The following SNAPC3 variants were observed in gnomAD, a reference collection of about 807,000 sequenced individuals.
The protein encoded by SNAPC3 is snRNA-activating protein complex subunit 3.
In SNAPC3, 56 loss-of-function variants were observed where a neutral mutation model predicts 47.7. The ratio of observed to expected loss-of-function variants is 1.18; its 90% CI spans 0.95 to 1.47. The LOEUF is 1.47. Ranked by LOEUF, SNAPC3 falls within the 40% of genes most tolerant of loss-of-function variation. SNAPC3 has a pLI of 0.00. For synonymous variants in SNAPC3, 235 were observed against 189.9 expected (o/e 1.24, Z -1.95); for missense variants, 665 against 511.3 (o/e 1.30, Z -2.90).
Position 15,459,744 on chromosome 9 carries a change from G to C in SNAPC3, c.1114G>C (p.Ala372Pro), listed in dbSNP as rs577027432. The C allele has an allele frequency of 3.7e-6, 6 of 1,613,082 alleles. No individual in the cohort carries two copies. In the African/African-American group the frequency reaches 8.0e-5, roughly 22 times the overall value. Residue 372 changes from alanine to proline, a missense_variant, in exon 9 of 9, where the codon GCA becomes CCA. Ala to Pro is a conservative substitution (Grantham distance 27). Transcript: ENST00000380821. ...ARWVTNNDSF[A>P]PEDPCFFCDV... ...ATGGGTGACGAACAATGACAGTTTT[G>C]CACCAGAGGACCCATGCTTCTTTTG... is the stretch of plus-strand genomic sequence containing the variant.
rs138836322 is a variant in SNAPC3 at position 15,460,113 on chromosome 9, TGTA to T, written c.*251_*253del. 2.2e-3 allele frequency: 647 copies of T among 299,968 alleles called. 2 individuals are homozygous for T. The highest frequency in any genetic ancestry group is 0.011 in the African/African-American group (533 of 46,468). 18.6% of individuals were successfully genotyped at this position (299,968 alleles called of 1,614,324 possible). A position where few individuals can be genotyped will look rare whatever the true frequency, so the allele number is the denominator to read the frequency against. On this transcript the variant is annotated 3_prime_UTR_variant, in exon 9 of 9. Coordinates refer to ENST00000380821, the MANE Select transcript of SNAPC3 (RefSeq NM_001039697.2). ...GCTTTTTACCCATTTTGAGTTGAGT[TGTA>T]GTACTTTATATATTCTGACTTTAAA...
chr9:15,424,073 G>A, intron 2 of SNAPC3, 87 bp downstream of exon 2: 3 of 703,562 alleles, frequency 4.3e-6, no homozygotes. Flanking sequence ...AGTATTGATT[G>A]TTGTCTGTAT....
At chr9:15,454,612 A>G (rs1178621122) in intron 7 of SNAPC3, among the ~76,000 whole-genome samples, 1 of 152,206 alleles carries the variant, frequency 6.6e-6, no homozygotes, top group Non-Finnish European at 1.5e-5. Context: ...GTCAGAAAAT[A>G]GGGGACTGAA....
At chr9:15,438,156 T>A (rs2033002182) in intron 3 of SNAPC3, among the ~76,000 whole-genome samples, 1 of 152,220 alleles carries the variant, frequency 6.6e-6, no homozygotes, top group African/African-American at 2.4e-5. Flanking sequence ...TCAACCTCCT[T>A]ACTTGTTACA....
intron 7 of SNAPC3, among the ~76,000 whole-genome samples, chr9:15,456,229 C>T (rs563289291): frequency 3.3e-5 from 5 of 151,972 alleles, no homozygotes; most frequent in African/African-American, 7.2e-5. Context: ...AGGCTGGTGT[C>T]GAACTCCTGA....
intron 3 of SNAPC3, among the ~76,000 whole-genome samples, chr9:15,442,297 C>T (rs1397886677): frequency 1.4e-5 from 2 of 148,006 alleles, no homozygotes; most frequent in East Asian, 2.1e-4. Flanking sequence ...GCGGGGGCTG[C>T]CCCCCACCTC....
intron 3 of SNAPC3, among the ~76,000 whole-genome samples, chr9:15,435,698 C>T (rs1476835923): frequency 6.7e-6 from 1 of 150,218 alleles, no homozygotes; most frequent in Non-Finnish European, 1.5e-5. Flanking sequence ...CATTGCATTC[C>T]AGCCTGGGCA....
downstream of SNAPC3, chr9:15,464,826 TCACTGAATGCC>T: frequency 4.8e-6 from 1 of 208,584 alleles, no homozygotes; most frequent in Middle Eastern, 1.5e-3. Flanking sequence ...TCCTAAGACT[TCACTGAATGCC>T]CAGCCACAAA....
At chr9:15,433,694 G>A (rs915370371) in intron 3 of SNAPC3, 58 bp downstream of exon 3, 6 of 1,078,358 alleles carry the variant, frequency 5.6e-6, no homozygotes, top group South Asian at 1.3e-5. Flanking sequence ...ACCGACATTG[G>A]CTGAGGGTTA....
Position 15,459,735 on chromosome 9 carries a change from G to T in SNAPC3, c.1105G>T (p.Asp369Tyr). 6.2e-7 allele frequency: 1 copy of T among 1,613,086 alleles called. No homozygotes were observed. Among genetic ancestry groups the T allele is most frequent in the Non-Finnish European group, 8.5e-7 (1 of 1,179,564 alleles). ...AAACTACAGATGGGTGACGAACAATGACAGTTTTGCACCAGAGGACCCATG... is the reference window on the plus strand; with the variant it reads ...AAACTACAGATGGGTGACGAACAATTACAGTTTTGCACCAGAGGACCCATG... ...MYTARWVTNN[D>Y]SFAPEDPCFF... The change falls in exon 9 of 9, where the codon GAC becomes TAC. Residue 369 changes from aspartate to tyrosine, a missense_variant. Physicochemically the swap from Asp to Tyr is radical, Grantham distance 160. Coordinates refer to ENST00000380821, the MANE Select transcript of SNAPC3 (RefSeq NM_001039697.2).
intron 5 of SNAPC3, among the ~76,000 whole-genome samples, chr9:15,448,620 T>C (rs543829316): frequency 6.6e-6 from 1 of 152,306 alleles, no homozygotes; most frequent in South Asian, 2.1e-4. Flanking sequence ...TATTCGTTTT[T>C]GGTGACTAGT....
In SNAPC3 at chr9:15,422,916, G is replaced by C; in HGVS notation, c.37G>C (p.Gly13Arg). ...AAGCCGAGGTGGCCCTACGTGTAGC[G>C]GGGTGGGTGGCAGGCAGGACCCAGT... is the stretch of plus-strand genomic sequence containing the variant. ...EGSRGGPTCS[G>R]VGGRQDPVSG... The change falls in exon 1 of 9, where the codon GGG becomes CGG. Residue 13 changes from glycine (G) to arginine (R), a missense_variant. Transcript: ENST00000380821. 1 of 1,536,372 alleles carries C rather than the reference G, an allele frequency of 6.5e-7. No individual in the cohort carries two copies. The highest frequency in any genetic ancestry group is 2.2e-5 in the Admixed American group (1 of 45,686).
chr9:15,428,111 C>CAAAAAAAA, intron 2 of SNAPC3, among the ~76,000 whole-genome samples: 1 of 73,018 alleles, frequency 1.4e-5, no homozygotes, highest in Non-Finnish European at 2.6e-5. Flanking sequence ...ACTCTGTCTC[C>CAAAAAAAA]AAAAAAAAAA....
chr9:15,444,613 C>T lies in SNAPC3; in HGVS notation c.489C>T (p.Ala163=), dbSNP rs1351126388. 1.3e-5 allele frequency: 21 copies of T among 1,607,070 alleles called. No individual in the cohort carries two copies. Among genetic ancestry groups the T allele is most frequent in the Non-Finnish European group, 1.8e-5 (21 of 1,174,128 alleles). ...TTTTCTTTCTTCAGGAGTCACATGCCATAGGAAAAAAGCCTGAAAATTCAG... is the reference window on the plus strand; with the variant it reads ...TTTTCTTTCTTCAGGAGTCACATGCTATAGGAAAAAAGCCTGAAAATTCAG... The part of the protein sequence containing the change: ...ETFVYEMESH[A]IGKKPENSAD... Residue 163 remains alanine (A), a synonymous_variant, in exon 4 of 9, where the codon GCC becomes GCT. Coordinates refer to ENST00000380821, the MANE Select transcript of SNAPC3 (RefSeq NM_001039697.2).
chr9:15,443,102 G>C (rs1290077702), intron 3 of SNAPC3, among the ~76,000 whole-genome samples: 1 of 152,236 alleles, frequency 6.6e-6, no homozygotes, highest in Non-Finnish European at 1.5e-5. Flanking sequence ...GGAGGTTGCA[G>C]TGAGCCGAGA....
intron 2 of SNAPC3, among the ~76,000 whole-genome samples, chr9:15,428,112 A>G (rs1420762135): frequency 1.4e-4 from 2 of 14,144 alleles, no homozygotes; most frequent in African/African-American, 7.6e-4. Context: ...CTCTGTCTCC[A>G]AAAAAAAAAA....
At chr9:15,445,083 G>A (rs2033820590) in intron 4 of SNAPC3, among the ~76,000 whole-genome samples, 1 of 152,178 alleles carries the variant, frequency 6.6e-6, no homozygotes, top group African/African-American at 2.4e-5. Flanking sequence ...GACAGCGTGA[G>A]ACCCTGTCTA....
intron 3 of SNAPC3, among the ~76,000 whole-genome samples, chr9:15,434,455 T>G (rs997734616): frequency 2.6e-5 from 4 of 151,348 alleles, no homozygotes; most frequent in Admixed American, 6.6e-5. Context: ...TCGCCCAGGC[T>G]GGAGTGCAGT....
At chr9:15,444,343 G>A (rs2033753564) in intron 3 of SNAPC3, among the ~76,000 whole-genome samples, 1 of 152,326 alleles carries the variant, frequency 6.6e-6, no homozygotes, top group South Asian at 2.1e-4. Context: ...CAACTGCTAA[G>A]TACTCAGTAC....
Sources: allele counts gnomAD v4.1 joint callset (sites outside exome capture counted in the v4.1 genomes callset), GRCh38; gene constraint gnomAD v4.1.1; transcripts MANE v1.5; gene names NCBI Gene and HGNC (gene_info 2026-07-23, HGNC 2026-07-21).